The following NRXN3 variants were observed in gnomAD, a reference collection of about 807,000 sequenced individuals.
NRXN3 encodes neurexin III.
In NRXN3, 32 loss-of-function variants were observed where a neutral mutation model predicts 137.6. The observed-to-expected ratio is 0.23, with a 90% confidence interval of 0.18 to 0.31. The LOEUF is 0.31. Among genes scored for constraint, NRXN3 ranks in the 10% least tolerant of loss-of-function variants. The pLI is 1.00. For missense variants in NRXN3, 1,574 were observed against 2,062.5 expected (o/e 0.76, Z 4.59); for synonymous variants, 798 against 784.5 (o/e 1.02, Z -0.29).
At chr14:79,222,007 G>A (rs2069800723) in intron 15 of NRXN3, among the ~76,000 whole-genome samples, 1 of 151,588 alleles carries the variant, frequency 6.6e-6, no homozygotes, top group Admixed American at 6.6e-5. Flanking sequence ...TGTTAAATAG[G>A]GAAATCCTTT....
chr14:79,141,443 A>G (rs2058779216), intron 15 of NRXN3, among the ~76,000 whole-genome samples: 1 of 152,220 alleles, frequency 6.6e-6, no homozygotes, highest in South Asian at 2.1e-4. Context: ...AAGCTGCTAT[A>G]GTTATCACAC....
intron 1 of NRXN3, among the ~76,000 whole-genome samples, chr14:78,192,499 G>T (rs1179654225): frequency 1.3e-5 from 2 of 152,176 alleles, no homozygotes; most frequent in Non-Finnish European, 2.9e-5. Context: ...AATCTTTATT[G>T]AGTACCTGCT....
chr14:79,378,978 G>A (rs2094387769), intron 15 of NRXN3, among the ~76,000 whole-genome samples: 1 of 151,928 alleles, frequency 6.6e-6, no homozygotes, highest in South Asian at 2.1e-4. Context: ...AGGGACTAAA[G>A]AAGTACTTCA....
At chr14:79,366,409 T>G (rs1469466517) in intron 15 of NRXN3, among the ~76,000 whole-genome samples, 1 of 152,168 alleles carries the variant, frequency 6.6e-6, no homozygotes, top group Non-Finnish European at 1.5e-5. Context: ...TAGATTTTAT[T>G]CATTCTATCA....
chr14:78,361,077 A>C (rs914885070), intron 4 of NRXN3, among the ~76,000 whole-genome samples: 2 of 152,204 alleles, frequency 1.3e-5, no homozygotes, highest in Admixed American at 6.5e-5. Flanking sequence ...GGTTAATTTT[A>C]ACATGGCCAA....
intron 10 of NRXN3, among the ~76,000 whole-genome samples, chr14:78,855,414 A>G (rs1159755803): frequency 6.6e-6 from 1 of 152,172 alleles, no homozygotes; most frequent in Admixed American, 6.5e-5. Context: ...TGATTCATAA[A>G]AAGCATGTGG....
In NRXN3 at chr14:79,629,549, G is replaced by T. The variant is rs555214891; in HGVS notation, c.3445-34229G>T. On this transcript the variant is annotated intron_variant, in intron 16 of 20. Transcript: ENST00000335750. ...TCAGGGTATCTGTGAATCATGGTGG[G>T]GGGTAGGGTTGGGGACTAGAATTTA... Among the ~76,000 whole-genome samples the T allele has an allele frequency of 2.0e-4, 31 of 152,210 alleles. No individual in the cohort carries two copies. In the South Asian group the frequency reaches 5.6e-3, roughly 28 times the overall value.
At position 79,152,068 on chromosome 14, in the gene NRXN3, G is replaced by A. The variant is rs189629311; in HGVS notation, c.3262+163927G>A. ...AGACACTTTTGCTTTACCATATTGT[G>A]TACTTGGGTCTATTTTCAACTCTGA... On this transcript the variant is annotated intron_variant, in intron 15 of 20. Coordinates refer to ENST00000335750, the MANE Select transcript of NRXN3 (RefSeq NM_001330195.2). 5.9e-5 allele frequency among the ~76,000 whole-genome samples: 9 copies of A among 152,058 alleles called. No homozygotes were observed. The East Asian group carries it at 1.8e-3, about 30-fold the overall frequency.
intron 4 of NRXN3, among the ~76,000 whole-genome samples, chr14:78,458,961 G>T (rs1428073528): frequency 1.3e-5 from 2 of 152,160 alleles, no homozygotes; most frequent in Admixed American, 6.5e-5. Flanking sequence ...TCTGAGATTC[G>T]ACCAATGATG....
intron 6 of NRXN3, among the ~76,000 whole-genome samples, chr14:78,691,721 C>T (rs187553688): frequency 2.6e-4 from 39 of 151,796 alleles, no homozygotes; most frequent in Non-Finnish European, 4.4e-4. Context: ...TTCTTCAAGG[C>T]ATGCCATGTT....
intron 15 of NRXN3, among the ~76,000 whole-genome samples, chr14:79,084,734 A>G (rs549368349): frequency 4.0e-4 from 61 of 152,108 alleles, no homozygotes; most frequent in Non-Finnish European, 8.5e-4. Context: ...TTCTCCAGTC[A>G]TCAATCGTAT....
At chr14:79,082,585 T>G (rs1944389744) in intron 15 of NRXN3, among the ~76,000 whole-genome samples, 1 of 152,034 alleles carries the variant, frequency 6.6e-6, no homozygotes, top group African/African-American at 2.4e-5. Context: ...CCAGTCTGAG[T>G]CCCTGCCACA....
At chr14:79,617,679 G>A (rs1424366321) in intron 16 of NRXN3, among the ~76,000 whole-genome samples, 1 of 152,012 alleles carries the variant, frequency 6.6e-6, no homozygotes, top group African/African-American at 2.4e-5. Flanking sequence ...TAACGAGAAT[G>A]TGACTAAAAC....
intron 19 of NRXN3, among the ~76,000 whole-genome samples, chr14:79,803,852 TTG>T (rs1188018289): frequency 1.3e-5 from 2 of 150,994 alleles, no homozygotes; most frequent in Non-Finnish European, 2.9e-5. Flanking sequence ...CAAAAGACGG[TTG>T]TGAGAATCAC....
chr14:78,391,413 C>T (rs1045222774), intron 4 of NRXN3, among the ~76,000 whole-genome samples: 3 of 152,040 alleles, frequency 2.0e-5, no homozygotes, highest in African/African-American at 4.8e-5. Context: ...GCTACTAAAG[C>T]GAGGCTTCAA....
At chr14:78,533,333 G>A (rs567978603) in intron 4 of NRXN3, among the ~76,000 whole-genome samples, 44 of 151,972 alleles carry the variant, frequency 2.9e-4, no homozygotes, top group African/African-American at 1.0e-3. Context: ...TGATCCGCCC[G>A]CCTCAGCCTC....
chr14:78,197,163 G>A (rs566626962), intron 1 of NRXN3, among the ~76,000 whole-genome samples: 45 of 152,260 alleles, frequency 3.0e-4, no homozygotes, highest in African/African-American at 1.1e-3. Flanking sequence ...GAATACCAAC[G>A]CCAGCATATA....
intron 19 of NRXN3, among the ~76,000 whole-genome samples, chr14:79,757,209 C>G (rs968265452): frequency 6.6e-6 from 1 of 152,148 alleles, no homozygotes; most frequent in East Asian, 1.9e-4. Flanking sequence ...CTCTCCTGCT[C>G]TCAGATTAGC....
intron 15 of NRXN3, among the ~76,000 whole-genome samples, chr14:79,105,582 C>T (rs1313116134): frequency 6.6e-6 from 1 of 152,102 alleles, no homozygotes; most frequent in African/African-American, 2.4e-5. Flanking sequence ...TCCTCCTTCC[C>T]AAGCATTTCC....
Sources: gnomAD v4.1 joint callset for allele counts (sites outside exome capture counted in the v4.1 genomes callset) on GRCh38, gnomAD v4.1.1 for gene constraint, MANE v1.5 for transcripts, NCBI Gene and HGNC (gene_info 2026-07-23, HGNC 2026-07-21) for gene names.